The following PCDHGA5 variants were observed in gnomAD, a reference collection of about 807,000 sequenced individuals.
The protein encoded by PCDHGA5 is protocadherin gamma subfamily A, 5, also known as protocadherin gamma-A5.
PCDHGA5 carries 36 observed loss-of-function variants against 56.7 expected under a neutral mutation model. The observed-to-expected ratio is 0.64, with a 90% CI of 0.49 to 0.84. The LOEUF (loss-of-function observed/expected upper bound fraction) is 0.84, where lower values mean the gene tolerates loss of function less well. PCDHGA5 is among the 40% of genes least tolerant of loss of function. PCDHGA5 has a pLI of 0.00. For synonymous variants in PCDHGA5, 563 were observed against 520.2 expected (o/e 1.08, Z -1.12); for missense variants, 1,305 against 1,201.5 (o/e 1.09, Z -1.27).
chr5:141,490,688 CTG>C lies in PCDHGA5; in HGVS notation c.2422-4118_2422-4117del. 6.2e-7 allele frequency: 1 copy of C among 1,614,218 alleles called. No homozygotes were observed. On this transcript the variant is annotated intron_variant, in intron 1 of 3. Coordinates refer to ENST00000518069, the MANE Select transcript of PCDHGA5 (RefSeq NM_018918.3). This position sits in a 1 kb window ranked among gnomAD's most constrained non-coding sequence, Gnocchi z 5.4. ...ACTGTGGCTGCCTCAGATCCAGACA[CTG>C]GGGATAATGCCCGCCTCACCTACTC... is the stretch of plus-strand genomic sequence containing the variant.
intron 1 of PCDHGA5, chr5:141,427,927 T>C (rs1238523389): frequency 6.3e-7 from 1 of 1,580,112 alleles, no homozygotes; most frequent in Non-Finnish European, 8.7e-7. Context: ...AGCCGGCGCA[T>C]GTTGGTGGGC....
At chr5:141,463,296 C>T (rs1194250577) in intron 1 of PCDHGA5, among the ~76,000 whole-genome samples, 1 of 151,986 alleles carries the variant, frequency 6.6e-6, no homozygotes, top group African/African-American at 2.4e-5. Flanking sequence ...CTCCTAATCT[C>T]CCCAAACTCT....
chr5:141,376,711 G>A lies in PCDHGA5; in HGVS notation c.2421+9960G>A, dbSNP rs1369731526. 2.9e-5 allele frequency: 18 copies of A among 622,360 alleles called. No homozygotes were observed. The South Asian group carries it at 3.6e-4, about 12-fold the overall frequency. 38.6% of individuals were successfully genotyped at this position (622,360 alleles called of 1,614,324 possible). On this transcript the variant is annotated intron_variant, in intron 1 of 3. Coordinates refer to ENST00000518069, the MANE Select transcript of PCDHGA5 (RefSeq NM_018918.3). ...TTTTTTTTTTTTGAGACGGAGTCTC[G>A]CTCTGTCGCCCAGGCCGGACTGCGG...
intron 1 of PCDHGA5, chr5:141,374,823 A>G (rs1770865404): frequency 1.2e-6 from 2 of 1,613,952 alleles, no homozygotes; most frequent in African/African-American, 1.3e-5. Context: ...CAGCCTGTCT[A>G]CCGTGTAAGT....
At chr5:141,450,627 C>G (rs947866993) in intron 1 of PCDHGA5, among the ~76,000 whole-genome samples, 1 of 151,592 alleles carries the variant, frequency 6.6e-6, no homozygotes, top group African/African-American at 2.4e-5. Context: ...GCTGGGATTA[C>G]AGATGCCTGC....
intron 1 of PCDHGA5, chr5:141,442,378 GGT>G (rs2098320015): frequency 6.6e-6 from 1 of 152,334 alleles, no homozygotes; most frequent in Middle Eastern, 3.4e-3. Context: ...ATTCCTACCA[GGT>G]GTGTGCTTCT....
intron 1 of PCDHGA5, among the ~76,000 whole-genome samples, chr5:141,483,218 A>G (rs2099578440): frequency 6.6e-6 from 1 of 152,188 alleles, no homozygotes; most frequent in Admixed American, 6.5e-5. Flanking sequence ...GATGACAGTC[A>G]CTGCAGAAAT....
intron 1 of PCDHGA5, chr5:141,374,296 G>C (rs779933812): frequency 6.2e-7 from 1 of 1,613,974 alleles, no homozygotes; most frequent in Non-Finnish European, 8.5e-7. Flanking sequence ...CCAGAGGTAG[G>C]ATGCAGCTTT....
At chr5:141,415,740 G>GTTTTTTTTTTTTTTTTT (rs57426385) in intron 1 of PCDHGA5, 21 of 625,042 alleles carry the variant, frequency 3.4e-5, no homozygotes, top group African/African-American at 7.5e-5. Flanking sequence ...GTTTATTAAG[G>GTTTTTTTTTTTTTTTTT]TTTTTTTTTT....
At chr5:141,447,656 C>T (rs1352103605) in intron 1 of PCDHGA5, among the ~76,000 whole-genome samples, 1 of 152,056 alleles carries the variant, frequency 6.6e-6, no homozygotes, top group Non-Finnish European at 1.5e-5. Flanking sequence ...ATTTTCCCCC[C>T]CAGGAAGTTA....
rs1228153118 is a variant in PCDHGA5 at position 141,433,077 on chromosome 5, C to G, written c.2422-61730C>G. 5.0e-6 allele frequency: 8 copies of G among 1,614,080 alleles called. No homozygotes were observed. The African/African-American group carries it at 6.7e-5, about 13-fold the overall frequency. On this transcript the variant is annotated intron_variant, in intron 1 of 3. Transcript: ENST00000518069. Reference sequence around the variant, plus strand: ...AAGAGTCACCTGATCTTCCCCCAGCCCAACTATGCAGACATGCTCGTCAGC... The same window carrying G: ...AAGAGTCACCTGATCTTCCCCCAGCGCAACTATGCAGACATGCTCGTCAGC...
chr5:141,375,166 T>A (rs1179986488), intron 1 of PCDHGA5: 2 of 1,613,966 alleles, frequency 1.2e-6, no homozygotes, highest in East Asian at 2.2e-5. Flanking sequence ...AAAGTGCACC[T>A]CCAGGAACAG....
At chr5:141,381,066 C>T (rs1178029702) in intron 1 of PCDHGA5, among the ~76,000 whole-genome samples, 1 of 152,200 alleles carries the variant, frequency 6.6e-6, no homozygotes, top group Non-Finnish European at 1.5e-5. Context: ...GCAAAGATAA[C>T]TATGGATTAT....
chr5:141,414,799 G>A, intron 1 of PCDHGA5: 1 of 1,614,214 alleles, frequency 6.2e-7, no homozygotes, highest in Non-Finnish European at 8.5e-7. Context: ...CAGCGACAGC[G>A]GGGATCCTCC....
At chr5:141,387,816 C>T (rs1376270603) in intron 1 of PCDHGA5, 3 of 1,539,164 alleles carry the variant, frequency 1.9e-6, no homozygotes, top group African/African-American at 1.4e-5. Flanking sequence ...ATCCAAAAAT[C>T]TGCAATACAG....
chr5:141,489,287 T>C lies in PCDHGA5; in HGVS notation c.2422-5520T>C. 1 of 1,573,410 alleles carries C rather than the reference T, an allele frequency of 6.4e-7. No individual in the cohort carries two copies. Among genetic ancestry groups the C allele is most frequent in the Non-Finnish European group, 8.6e-7 (1 of 1,159,858 alleles). ...CAGCTCGCTGGGAAATGGCAAGTGC[T>C]GTGCATGTTGTCCTTGTGCTGCTGG... On this transcript the variant is annotated intron_variant, in intron 1 of 3. Transcript: ENST00000518069. The surrounding 1 kb of genome is among the most constrained non-coding windows in gnomAD (Gnocchi z 4.5).
intron 1 of PCDHGA5, among the ~76,000 whole-genome samples, chr5:141,461,433 C>A (rs183800312): frequency 1.3e-5 from 2 of 151,970 alleles, no homozygotes; most frequent in Non-Finnish European, 1.5e-5. Context: ...CATTTGTATA[C>A]CTTCTTTTGA....
intron 1 of PCDHGA5, chr5:141,430,857 A>T: frequency 6.3e-7 from 1 of 1,591,434 alleles, no homozygotes; most frequent in Non-Finnish European, 8.5e-7. Flanking sequence ...CAGATACGCT[A>T]TTCAGTTCCG....
At chr5:141,393,430 C>G in intron 1 of PCDHGA5, 1 of 1,614,040 alleles carries the variant, frequency 6.2e-7, no homozygotes, top group Non-Finnish European at 8.5e-7. Context: ...GAGGAAGAGG[C>G]TGCTCACCAC....
Sources: allele counts gnomAD v4.1 joint callset (sites outside exome capture counted in the v4.1 genomes callset), GRCh38; gene constraint gnomAD v4.1.1; non-coding constraint Gnocchi (gnomAD v3.1); transcripts MANE v1.5; gene names NCBI Gene and HGNC (gene_info 2026-07-23, HGNC 2026-07-21).